Variants in SNX31 observed in about 807,000 individuals in gnomAD.
SNX31 encodes the protein sorting nexin 31, also known as sorting nexin-31.
SNX31 carries 58 observed loss-of-function variants against 65.4 expected under a neutral mutation model. The ratio of observed to expected loss-of-function variants is 0.89; its 90% CI spans 0.72 to 1.10. The LOEUF (loss-of-function observed/expected upper bound fraction) is 1.10, where lower values mean the gene tolerates loss of function less well. Ranked by LOEUF, SNX31 falls within the 50% of genes least tolerant of loss-of-function variation. The pLI, the probability that SNX31 is intolerant of heterozygous loss-of-function variation, is 0.00. For synonymous variants in SNX31, 181 were observed against 190.1 expected (o/e 0.95, Z 0.39); for missense variants, 523 against 529.7 (o/e 0.99, Z 0.12).
rs1231088740 is a variant in SNX31 at position 100,612,409 on chromosome 8, T to C, written c.524-322A>G. Among the ~76,000 whole-genome samples the C allele has an allele frequency of 6.6e-6, 1 of 151,992 alleles. No homozygotes were observed. Among genetic ancestry groups the C allele is most frequent in the Non-Finnish European group, 1.5e-5 (1 of 68,018 alleles). ...CAACCCTCTACACAAGCCCCTTAACTTCCAACTCAAAACCACCTCCCCTGG... is the reference window on the plus strand; with the variant it reads ...CAACCCTCTACACAAGCCCCTTAACCTCCAACTCAAAACCACCTCCCCTGG... On this transcript the variant is annotated intron_variant, in intron 6 of 13. Coordinates refer to ENST00000311812, the MANE Select transcript of SNX31 (RefSeq NM_152628.4). This position sits in a 1 kb window ranked among gnomAD's most constrained non-coding sequence, Gnocchi z 4.3.
chr8:100,647,824 G>A (rs1214938494), intron 2 of SNX31, among the ~76,000 whole-genome samples: 2 of 152,112 alleles, frequency 1.3e-5, no homozygotes, highest in Non-Finnish European at 2.9e-5. Flanking sequence ...GCCTCCCCCT[G>A]CCAATGCCTA....
At chr8:100,646,684 A>AT (rs2131290958) in intron 2 of SNX31, among the ~76,000 whole-genome samples, 1 of 152,300 alleles carries the variant, frequency 6.6e-6, no homozygotes, top group Non-Finnish European at 1.5e-5. Context: ...TGAGGCAAAA[A>AT]AAAATTTTAA....
chr8:100,633,837 G>GCTTA (rs1818572499), intron 3 of SNX31, among the ~76,000 whole-genome samples: 1 of 152,152 alleles, frequency 6.6e-6, no homozygotes, highest in African/African-American at 2.4e-5. Flanking sequence ...ATACAGAAAT[G>GCTTA]CTTAGCATTA....
chr8:100,613,695 T>C lies in SNX31; in HGVS notation c.433-610A>G, dbSNP rs112528826. ...GCCTTCCTTCACATTCCTCTTTGACTTATATCAAACAGCTTTCATTTCAAC... is the reference window on the plus strand; with the variant it reads ...GCCTTCCTTCACATTCCTCTTTGACCTATATCAAACAGCTTTCATTTCAAC... On this transcript the variant is annotated intron_variant, in intron 5 of 13. Coordinates refer to ENST00000311812, the MANE Select transcript of SNX31 (RefSeq NM_152628.4). The surrounding 1 kb of genome is among the most constrained non-coding windows in gnomAD (Gnocchi z 5.2). Among the ~76,000 whole-genome samples, 12 of 152,308 alleles carry C rather than the reference T, an allele frequency of 7.9e-5. No homozygotes were observed. The highest frequency in any genetic ancestry group is 2.4e-4 in the African/African-American group (10 of 41,576).
intron 12 of SNX31, among the ~76,000 whole-genome samples, chr8:100,580,815 T>G (rs1253707409): frequency 6.6e-6 from 1 of 152,214 alleles, no homozygotes; most frequent in Non-Finnish European, 1.5e-5. Flanking sequence ...TTTTGTCTTT[T>G]GTTTTCTATT....
chr8:100,573,935 G>A lies in SNX31; in HGVS notation c.1253C>T (p.Ser418Leu), dbSNP rs779558029. 1.3e-6 allele frequency: 2 copies of A among 1,581,152 alleles called. No individual in the cohort carries two copies. Among genetic ancestry groups the A allele is most frequent in the South Asian group, 2.3e-5 (2 of 86,628 alleles). The change falls in exon 14 of 14, where the codon TCA (serine) becomes TTA (leucine). Residue 418 changes from serine (S) to leucine (L), a missense_variant. Transcript: ENST00000311812. ...AGCTATCTTAATCTTGCTTTTTCTTGATAGAAAACTAGAATAGTCTTTCTG... is the reference window on the plus strand; with the variant it reads ...AGCTATCTTAATCTTGCTTTTTCTTAATAGAAAACTAGAATAGTCTTTCTG... ...SQQKDYSSFL[S>L]RKSKIKIAKD...
At chr8:100,618,364 C>T (rs1292043325) in intron 4 of SNX31, 2 of 1,533,202 alleles carry the variant, frequency 1.3e-6, no homozygotes, top group African/African-American at 2.7e-5. Context: ...TCCCTAAAGC[C>T]CATATCCCTG....
intron 2 of SNX31, among the ~76,000 whole-genome samples, chr8:100,636,592 T>A (rs1186532491): frequency 1.3e-5 from 2 of 152,238 alleles, no homozygotes; most frequent in East Asian, 3.8e-4. Flanking sequence ...CATGTTGAAA[T>A]GATAATATTT....
rs533149782 is a variant in SNX31 at position 100,604,577 on chromosome 8, G to A, written c.681+3917C>T. Among the ~76,000 whole-genome samples, 281 of 152,346 alleles carry A rather than the reference G, an allele frequency of 1.8e-3. 1 individual carries two copies. The highest frequency in any genetic ancestry group is 3.3e-3 in the Non-Finnish European group (227 of 68,036). ...AGGACTAGCCCCACCTGGAGGATGG[G>A]GTGCCTTTTTCTAATTTGCATCACT... is the stretch of plus-strand genomic sequence containing the variant. On this transcript the variant is annotated intron_variant, in intron 8 of 13. Transcript: ENST00000311812. This position sits in a 1 kb window ranked among gnomAD's most constrained non-coding sequence, Gnocchi z 4.3.
At chr8:100,597,919 G>A (rs1815263575) in intron 9 of SNX31, among the ~76,000 whole-genome samples, 4 of 152,168 alleles carry the variant, frequency 2.6e-5, no homozygotes, top group Admixed American at 1.3e-4. Flanking sequence ...TCCAGCTTTC[G>A]CCATGGGCCT....
Position 100,663,241 on chromosome 8 carries a change from C to G in SNX31, c.-157G>C, listed in dbSNP as rs1047582144. 4 of 30,058 alleles carry G rather than the reference C, an allele frequency of 1.3e-4. No individual in the cohort carries two copies. The South Asian group carries it at 4.2e-3, about 32-fold the overall frequency. 1.9% of individuals were successfully genotyped at this position (30,058 alleles called of 1,614,324 possible). On this transcript the variant is annotated 5_prime_UTR_variant, in exon 1 of 6. Transcript: ENST00000520352. ...CCGTCTAACAGAGCTGCGCAGATAC[C>G]CCCCCCAATCCAAAATTAAAATGAA...
rs150600643 is a variant in SNX31 at position 100,587,081 on chromosome 8, C to T, written c.1092+1785G>A. On this transcript the variant is annotated intron_variant, in intron 11 of 13. Transcript: ENST00000311812. ...TAAGAGACCCTGATTTTGTTTGGGA[C>T]GATAACATGCTCAGCCCCAGGCAAT... Among the ~76,000 whole-genome samples the T allele has an allele frequency of 9.6e-4, 146 of 152,180 alleles. 1 individual carries two copies. Among genetic ancestry groups the T allele is most frequent in the Admixed American group, 6.9e-3 (105 of 15,274 alleles).
intron 4 of SNX31, among the ~76,000 whole-genome samples, chr8:100,620,792 T>C (rs1817626960): frequency 6.6e-6 from 1 of 152,042 alleles, no homozygotes; most frequent in East Asian, 1.9e-4. Context: ...GAAGTACAGG[T>C]TCACAAAGGT....
rs146515137 is a variant in SNX31, at chr8:100,615,926, C to T, written c.432+1694G>A. Among the ~76,000 whole-genome samples the T allele has an allele frequency of 5.6e-3, 843 of 151,870 alleles. 6 individuals carry two copies. Among genetic ancestry groups the T allele is most frequent in the Non-Finnish European group, 7.7e-3 (525 of 67,986 alleles). On this transcript the variant is annotated intron_variant, in intron 5 of 13. Transcript: ENST00000311812. Reference sequence around the variant, plus strand: ...CTGGGACTACAGGCACCCGCCACCACGCCCGGCTAATTTTTTTTTTGTATT... The same window carrying T: ...CTGGGACTACAGGCACCCGCCACCATGCCCGGCTAATTTTTTTTTTGTATT...
Position 100,622,926 on chromosome 8 carries a change from C to T in SNX31, c.322-5196G>A, listed in dbSNP as rs908722521. Among the ~76,000 whole-genome samples, 4 of 152,348 alleles carry T rather than the reference C, an allele frequency of 2.6e-5. No individual in the cohort carries two copies. The highest frequency in any genetic ancestry group is 9.6e-5 in the African/African-American group (4 of 41,582). ...GTAAGAGGTTAAAGCGCCACCCAAC[C>T]TGCTGCCATTGGCCAGGATGGACAA... On this transcript the variant is annotated intron_variant, in intron 4 of 13. Coordinates refer to ENST00000311812, the MANE Select transcript of SNX31 (RefSeq NM_152628.4). The surrounding 1 kb of genome is among the most constrained non-coding windows in gnomAD (Gnocchi z 5.0).
chr8:100,644,639 C>A (rs1819503085), intron 2 of SNX31, among the ~76,000 whole-genome samples: 1 of 152,152 alleles, frequency 6.6e-6, no homozygotes, highest in Admixed American at 6.5e-5. Context: ...AACACATCCA[C>A]CTCTTCCCAA....
chr8:100,639,916 AC>A (rs1183741595), intron 2 of SNX31, among the ~76,000 whole-genome samples: 35 of 152,228 alleles, frequency 2.3e-4, no homozygotes, highest in Non-Finnish European at 1.6e-4. Flanking sequence ...AATGAAAAAA[AC>A]AAATCAGGAA....
intron 4 of SNX31, among the ~76,000 whole-genome samples, chr8:100,623,664 C>G (rs990121307): frequency 6.6e-6 from 1 of 152,188 alleles, no homozygotes; most frequent in Non-Finnish European, 1.5e-5. Flanking sequence ...AGGTGCCCTT[C>G]CTCCACCTGA....
intron 12 of SNX31, among the ~76,000 whole-genome samples, chr8:100,581,333 C>CTATATATATATATATATATATA (rs1330316859): frequency 5.1e-5 from 7 of 137,222 alleles, no homozygotes; most frequent in African/African-American, 2.1e-4. Context: ...ATCTATCTAT[C>CTATATATATATATATATATATA]TATCTATATA....
Sources: gnomAD v4.1 joint callset for allele counts (sites outside exome capture counted in the v4.1 genomes callset) on GRCh38, gnomAD v4.1.1 for gene constraint, Gnocchi (gnomAD v3.1) non-coding constraint, MANE v1.5 for transcripts, NCBI Gene and HGNC (gene_info 2026-07-23, HGNC 2026-07-21) for gene names.